Variants in LRRC4C observed in about 807,000 individuals in gnomAD.
The protein encoded by LRRC4C is leucine-rich repeat-containing protein 4C.
A neutral mutation model predicts 33.6 loss-of-function variants in LRRC4C; 5 were observed. The observed-to-expected ratio is 0.15, with a 90% CI of 0.08 to 0.31. The LOEUF is 0.31. Ranked by LOEUF, LRRC4C falls within the 10% of genes least tolerant of loss-of-function variation. The probability of loss-of-function intolerance (pLI) is 1.00; values close to 1 mark genes in which losing one functional copy is unlikely to be tolerated. For synonymous variants in LRRC4C, 329 were observed against 302.0 expected, an observed-to-expected ratio of 1.09 and a Z score of -0.93; for missense variants, 560 against 796.7, an observed-to-expected ratio of 0.70 and a Z score of 3.58.
At chr11:41,107,620 A>G (rs748672199) in intron 1 of LRRC4C, among the ~76,000 whole-genome samples, 57 of 152,254 alleles carry the variant, frequency 3.7e-4, no homozygotes, top group Non-Finnish European at 6.8e-4. Flanking sequence ...ACTAAGAAAC[A>G]TAAGTTTACA....
At chr11:41,284,002 A>G (rs1294983783) in intron 1 of LRRC4C, among the ~76,000 whole-genome samples, 2 of 152,194 alleles carry the variant, frequency 1.3e-5, no homozygotes, top group Non-Finnish European at 2.9e-5. Flanking sequence ...TGAAAGTTAT[A>G]CGTATTTGAT....
chr11:40,884,493 T>C (rs1472377059), intron 2 of LRRC4C, among the ~76,000 whole-genome samples: 1 of 152,088 alleles, frequency 6.6e-6, no homozygotes, highest in Non-Finnish European at 1.5e-5. Flanking sequence ...CACCACACTG[T>C]CTTCCACAAT....
At chr11:40,907,390 G>T (rs1027627959) in intron 2 of LRRC4C, among the ~76,000 whole-genome samples, 1 of 152,128 alleles carries the variant, frequency 6.6e-6, no homozygotes, top group Non-Finnish European at 1.5e-5. Context: ...CAAATGCAAG[G>T]AACATAATGG....
chr11:41,252,187 T>A (rs1287059021), intron 1 of LRRC4C, among the ~76,000 whole-genome samples: 2 of 152,142 alleles, frequency 1.3e-5, no homozygotes, highest in African/African-American at 2.4e-5. Context: ...CAGGAGGGTT[T>A]TAAGTGCTGG....
chr11:40,218,457 T>C (rs1482744627), intron 5 of LRRC4C, among the ~76,000 whole-genome samples: 1 of 152,142 alleles, frequency 6.6e-6, no homozygotes, highest in Non-Finnish European at 1.5e-5. Flanking sequence ...CTAGATTCAG[T>C]GAATCTGAAA....
At chr11:40,810,320 T>C (rs1391504887) in intron 2 of LRRC4C, among the ~76,000 whole-genome samples, 1 of 152,190 alleles carries the variant, frequency 6.6e-6, no homozygotes, top group Non-Finnish European at 1.5e-5. Context: ...TCACCAGCAA[T>C]ATCTCAGTTG....
At chr11:40,571,428 A>G (rs183393343) in intron 3 of LRRC4C, among the ~76,000 whole-genome samples, 1 of 152,284 alleles carries the variant, frequency 6.6e-6, no homozygotes, top group Admixed American at 6.5e-5. Context: ...AATTCCTGAC[A>G]GAACAGAATA....
chr11:40,269,866 C>A (rs563733239), intron 4 of LRRC4C, among the ~76,000 whole-genome samples: 1 of 152,212 alleles, frequency 6.6e-6, no homozygotes, highest in Admixed American at 6.5e-5. Flanking sequence ...CCTAAAACAT[C>A]TGGCTAATAA....
intron 1 of LRRC4C, among the ~76,000 whole-genome samples, chr11:41,087,161 T>C (rs929677124): frequency 1.3e-5 from 2 of 152,152 alleles, no homozygotes; most frequent in African/African-American, 4.8e-5. Context: ...AAGTTAATCA[T>C]TGCATTTTTC....
At position 40,584,253 on chromosome 11, in the gene LRRC4C, T is replaced by C. The variant is rs142591260; in HGVS notation, c.-270+63889A>G. Among the ~76,000 whole-genome samples the C allele has an allele frequency of 9.3e-3, 1,333 of 143,082 alleles. 18 individuals are homozygous for C. Among genetic ancestry groups the C allele is most frequent in the African/African-American group, 0.032 (1,233 of 39,116 alleles). The allele number at this position is 143,082 out of a possible 152,430, so 93.9% of individuals were successfully genotyped here. On this transcript the variant is annotated intron_variant, in intron 3 of 6. Transcript: ENST00000528697. Reference sequence around the variant, plus strand: ...AGTCTTGTGCACTGCCAAGCGTATGTGTTTGGCAGCTTCCATGTCTATGAC... The same window carrying C: ...AGTCTTGTGCACTGCCAAGCGTATGCGTTTGGCAGCTTCCATGTCTATGAC...
intron 1 of LRRC4C, among the ~76,000 whole-genome samples, chr11:41,370,852 A>C (rs545276396): frequency 6.6e-6 from 1 of 152,140 alleles, no homozygotes; most frequent in Non-Finnish European, 1.5e-5. Context: ...ACGTTATTTA[A>C]ATGAAAACAA....
chr11:41,035,220 A>T (rs1022549628), intron 1 of LRRC4C, among the ~76,000 whole-genome samples: 2 of 151,232 alleles, frequency 1.3e-5, no homozygotes, highest in African/African-American at 4.8e-5. Flanking sequence ...TAAATAAATA[A>T]ATAAATATAT....
chr11:40,934,769 C>T (rs1957794955), intron 1 of LRRC4C, among the ~76,000 whole-genome samples: 1 of 152,124 alleles, frequency 6.6e-6, no homozygotes. Flanking sequence ...GACTGAAATA[C>T]TATTTACACA....
chr11:41,299,457 A>G (rs947880955), intron 1 of LRRC4C, among the ~76,000 whole-genome samples: 2 of 152,098 alleles, frequency 1.3e-5, no homozygotes, highest in African/African-American at 4.8e-5. Context: ...TTGCCTTAAA[A>G]TGTCATAATG....
chr11:41,191,137 CA>C (rs1458590031), intron 1 of LRRC4C, among the ~76,000 whole-genome samples: 2 of 152,082 alleles, frequency 1.3e-5, no homozygotes, highest in East Asian at 3.9e-4. Flanking sequence ...TTATTCTGTT[CA>C]AGAATATTGC....
chr11:40,855,938 T>C lies in LRRC4C; in HGVS notation c.-407+77697A>G, dbSNP rs150237053. On this transcript the variant is annotated intron_variant, in intron 2 of 6. Transcript: ENST00000528697. ...TATTATACTATATTTTATGTTGCTT[T>C]TTTCTATTATTATTAATTTACTTCA... 4.6e-3 allele frequency among the ~76,000 whole-genome samples: 692 copies of C among 151,978 alleles called. 3 individuals are homozygous for C. The highest frequency in any genetic ancestry group is 0.016 in the African/African-American group (654 of 41,538).
intron 1 of LRRC4C, among the ~76,000 whole-genome samples, chr11:41,230,119 A>G (rs545665050): frequency 6.6e-6 from 1 of 152,182 alleles, no homozygotes; most frequent in South Asian, 2.1e-4. Context: ...TGGTATTTTC[A>G]GAGGATTGGT....
chr11:40,533,619 C>T (rs2135330940), intron 3 of LRRC4C, among the ~76,000 whole-genome samples: 1 of 152,216 alleles, frequency 6.6e-6, no homozygotes, highest in South Asian at 2.1e-4. Context: ...ATAGCTGTTG[C>T]TTTTTTTCTC....
At chr11:40,965,039 C>T (rs1243238104) in intron 1 of LRRC4C, among the ~76,000 whole-genome samples, 5 of 152,052 alleles carry the variant, frequency 3.3e-5, no homozygotes, top group Non-Finnish European at 7.4e-5. Flanking sequence ...CCTGTTGTTT[C>T]CTGACTTTTT....
Sources: gnomAD v4.1 joint callset for allele counts (sites outside exome capture counted in the v4.1 genomes callset) on GRCh38, gnomAD v4.1.1 for gene constraint, MANE v1.5 for transcripts, NCBI Gene and HGNC (gene_info 2026-07-23, HGNC 2026-07-21) for gene names.